The following LRRC4C variants were observed in gnomAD, a reference collection of about 807,000 sequenced individuals.
LRRC4C encodes leucine-rich repeat-containing protein 4C.
A neutral mutation model predicts 33.6 loss-of-function variants in LRRC4C; 5 were observed. The ratio of observed to expected loss-of-function variants is 0.15; its 90% CI spans 0.08 to 0.31. The LOEUF (loss-of-function observed/expected upper bound fraction) is 0.31. LRRC4C is among the 10% of genes least tolerant of loss of function. The pLI, the probability that LRRC4C is intolerant of heterozygous loss-of-function variation, is 1.00. For synonymous variants in LRRC4C, 329 were observed against 302.0 expected (o/e 1.09, Z -0.93); for missense variants, 560 against 796.7 (o/e 0.70, Z 3.58).
At chr11:40,206,430 C>G (rs1314293030) in intron 5 of LRRC4C, among the ~76,000 whole-genome samples, 2 of 151,614 alleles carry the variant, frequency 1.3e-5, no homozygotes, top group African/African-American at 4.8e-5. Context: ...TTAGTAGAGA[C>G]AGGGTTTCAC....
At chr11:41,100,827 C>T (rs1297990967) in intron 1 of LRRC4C, among the ~76,000 whole-genome samples, 3 of 152,056 alleles carry the variant, frequency 2.0e-5, no homozygotes, top group African/African-American at 7.2e-5. Context: ...CAGCATGGTA[C>T]TGGCACAAAA....
intron 1 of LRRC4C, among the ~76,000 whole-genome samples, chr11:40,984,721 G>A (rs1592260870): frequency 6.6e-6 from 1 of 151,974 alleles, no homozygotes; most frequent in Non-Finnish European, 1.5e-5. Flanking sequence ...ATAAATTGGA[G>A]TATGATAAAA....
chr11:40,979,318 C>G (rs116402085), intron 1 of LRRC4C, among the ~76,000 whole-genome samples: 1 of 152,146 alleles, frequency 6.6e-6, no homozygotes, highest in Admixed American at 6.5e-5. Context: ...TTACAGTACC[C>G]TGCTCTTAGT....
intron 3 of LRRC4C, among the ~76,000 whole-genome samples, chr11:40,322,373 G>A (rs1402618363): frequency 6.6e-6 from 1 of 152,106 alleles, no homozygotes; most frequent in African/African-American, 2.4e-5. Flanking sequence ...AGCCTCCCAG[G>A]TAGCTGGGAT....
At chr11:41,114,245 T>A (rs537241010) in intron 1 of LRRC4C, among the ~76,000 whole-genome samples, 18 of 152,206 alleles carry the variant, frequency 1.2e-4, no homozygotes, top group South Asian at 4.1e-4. Flanking sequence ...AATCTTTTTT[T>A]AAAAATCTGT....
chr11:40,704,077 A>G (rs1946019622), intron 2 of LRRC4C, among the ~76,000 whole-genome samples: 1 of 152,212 alleles, frequency 6.6e-6, no homozygotes, highest in African/African-American at 2.4e-5. Context: ...TAACAATACA[A>G]CTACAAAAAA....
intron 2 of LRRC4C, among the ~76,000 whole-genome samples, chr11:40,878,500 T>G (rs1433804682): frequency 1.3e-5 from 2 of 152,160 alleles, no homozygotes; most frequent in African/African-American, 2.4e-5. Context: ...CATGTGCAAT[T>G]CACAATACGG....
chr11:40,199,973 C>T (rs893290291), intron 5 of LRRC4C, among the ~76,000 whole-genome samples: 4 of 151,880 alleles, frequency 2.6e-5, no homozygotes, highest in African/African-American at 4.8e-5. Context: ...GGAGAAAACT[C>T]GGAACTCAGG....
chr11:40,779,276 AT>A (rs1412689880), intron 2 of LRRC4C, among the ~76,000 whole-genome samples: 1 of 152,216 alleles, frequency 6.6e-6, no homozygotes, highest in African/African-American at 2.4e-5. Context: ...CTTTACTGAC[AT>A]AAAAAATGAA....
chr11:40,997,383 TAG>T (rs1854058958), intron 1 of LRRC4C, among the ~76,000 whole-genome samples: 1 of 152,058 alleles, frequency 6.6e-6, no homozygotes, highest in South Asian at 2.1e-4. Flanking sequence ...TTTCCTGAGT[TAG>T]AGAGTAGCCA....
At chr11:41,014,379 C>T (rs1354758493) in intron 1 of LRRC4C, among the ~76,000 whole-genome samples, 2 of 152,088 alleles carry the variant, frequency 1.3e-5, no homozygotes, top group Non-Finnish European at 2.9e-5. Flanking sequence ...AAAGAATCTC[C>T]TCCTCCATAG....
chr11:40,772,167 C>A (rs1949785585), intron 2 of LRRC4C, among the ~76,000 whole-genome samples: 1 of 152,164 alleles, frequency 6.6e-6, no homozygotes, highest in Admixed American at 6.5e-5. Context: ...AGGGAGGCCT[C>A]AGGAAACTTA....
chr11:40,977,904 G>A (rs1284316365), intron 1 of LRRC4C, among the ~76,000 whole-genome samples: 1 of 152,142 alleles, frequency 6.6e-6, no homozygotes, highest in African/African-American at 2.4e-5. Context: ...GAAGTCACCA[G>A]GGAGAAGAGG....
At chr11:40,660,419 G>C (rs1943375016) in intron 2 of LRRC4C, among the ~76,000 whole-genome samples, 1 of 152,152 alleles carries the variant, frequency 6.6e-6, no homozygotes. Flanking sequence ...GTTTCTGGCT[G>C]GAAAAGCAAA....
chr11:40,984,415 GAGAA>G (rs747726343), intron 1 of LRRC4C, among the ~76,000 whole-genome samples: 20 of 73,678 alleles, frequency 2.7e-4, no homozygotes, highest in East Asian at 7.3e-4. Flanking sequence ...AAGAAAGAAA[GAGAA>G]AGAAAGAAAG....
chr11:40,227,902 C>T (rs909719551), intron 5 of LRRC4C, among the ~76,000 whole-genome samples: 1 of 152,078 alleles, frequency 6.6e-6, no homozygotes, highest in African/African-American at 2.4e-5. Flanking sequence ...ATGATGCCTG[C>T]TAGGTGAAGA....
intron 1 of LRRC4C, among the ~76,000 whole-genome samples, chr11:41,012,941 C>T (rs1468201009): frequency 6.6e-6 from 1 of 151,808 alleles, no homozygotes; most frequent in East Asian, 1.9e-4. Context: ...GATTTTTTTT[C>T]CTATTGAGTT....
intron 2 of LRRC4C, among the ~76,000 whole-genome samples, chr11:40,902,776 C>A (rs1193142629): frequency 6.6e-6 from 1 of 152,130 alleles, no homozygotes. Context: ...TACCTAGGCT[C>A]TAACTATCTT....
At chr11:40,190,509 A>ACTG (rs555865078) in intron 5 of LRRC4C, among the ~76,000 whole-genome samples, 59 of 152,326 alleles carry the variant, frequency 3.9e-4, no homozygotes, top group Non-Finnish European at 7.4e-4. Flanking sequence ...ACACAGCTGC[A>ACTG]CTGCTGAATT....
Sources: allele counts gnomAD v4.1 joint callset (sites outside exome capture counted in the v4.1 genomes callset), GRCh38; gene constraint gnomAD v4.1.1; transcripts MANE v1.5; gene names NCBI Gene and HGNC (gene_info 2026-07-23, HGNC 2026-07-21).